PDE7B: variants seen among roughly 807,000 people sequenced by gnomAD.
The protein encoded by PDE7B is phosphodiesterase 7B, also known as 3',5'-cyclic-AMP phosphodiesterase 7B.
Under a neutral mutation model 56.2 loss-of-function variants are expected in PDE7B, and 29 were observed. That is an observed-to-expected ratio of 0.52 (90% confidence interval 0.38 to 0.70). The LOEUF is 0.70. Among genes scored for constraint, PDE7B ranks in the 30% least tolerant of loss-of-function variants. The pLI, the probability that PDE7B is intolerant of heterozygous loss-of-function variation, is 0.00. For missense variants in PDE7B, 490 were observed against 565.0 expected (o/e 0.87, Z 1.35); for synonymous variants, 197 against 196.9 (o/e 1.00, Z 0.00).
chr6:136,188,721 T>C (rs574165247), intron 12 of PDE7B, among the ~76,000 whole-genome samples: 2 of 152,334 alleles, frequency 1.3e-5, no homozygotes, highest in African/African-American at 4.8e-5. Flanking sequence ...TGTCAGATCA[T>C]ATGTCCTGAT....
chr6:136,002,092 G>C (rs954126487), intron 2 of PDE7B, among the ~76,000 whole-genome samples: 10 of 152,154 alleles, frequency 6.6e-5, no homozygotes, highest in African/African-American at 2.4e-4. Flanking sequence ...TTCATATCCA[G>C]TGAAACTAAG....
At chr6:135,923,782 C>G (rs923273363) in intron 1 of PDE7B, among the ~76,000 whole-genome samples, 1 of 152,072 alleles carries the variant, frequency 6.6e-6, no homozygotes, top group African/African-American at 2.4e-5. Context: ...AAGTGACAAA[C>G]TTGATAATAT....
intron 1 of PDE7B, among the ~76,000 whole-genome samples, chr6:135,886,786 G>A (rs149690003): frequency 0.023 from 3,572 of 152,158 alleles, 152 homozygotes; most frequent in African/African-American, 0.08. Flanking sequence ...ACTTAGGTTG[G>A]TTCCATATGT....
chr6:135,958,565 T>C (rs1287139882), intron 2 of PDE7B, among the ~76,000 whole-genome samples: 1 of 149,578 alleles, frequency 6.7e-6, no homozygotes, highest in African/African-American at 2.5e-5. Context: ...TTTTCTAATA[T>C]TCATAAATTA....
chr6:135,993,882 G>A (rs772151072), intron 2 of PDE7B, among the ~76,000 whole-genome samples: 2 of 152,142 alleles, frequency 1.3e-5, no homozygotes, highest in Non-Finnish European at 2.9e-5. Context: ...AGTGGATGTG[G>A]ACCAGCCCTT....
At chr6:135,875,280 C>G (rs532805210) in intron 1 of PDE7B, among the ~76,000 whole-genome samples, 6 of 151,308 alleles carry the variant, frequency 4.0e-5, no homozygotes, top group Non-Finnish European at 8.9e-5. Flanking sequence ...TACTTCTTTG[C>G]TTTTTTCTGC....
At chr6:136,186,029 G>A (rs1779139962) in intron 11 of PDE7B, among the ~76,000 whole-genome samples, 1 of 151,776 alleles carries the variant, frequency 6.6e-6, no homozygotes, top group Non-Finnish European at 1.5e-5. Context: ...TTAGGTTGGT[G>A]CAAATGTAAT....
At chr6:135,875,215 A>G (rs1461687738) in intron 1 of PDE7B, among the ~76,000 whole-genome samples, 1 of 152,016 alleles carries the variant, frequency 6.6e-6, no homozygotes, top group African/African-American at 2.4e-5. Flanking sequence ...ATATGTATTA[A>G]GAATTATTTA....
Position 135,852,005 on chromosome 6 carries a change from T to C in PDE7B, c.7T>C (p.Cys3Arg), listed in dbSNP as rs1774950059. ...GAACTGCCACTATGGTTAAATGTCT[T>C]GTTTAATGGTTGAGGTATGTACAAC... MSCLMVERCGEIL... is the reference protein window; with the variant it reads MSRLMVERCGEIL... Residue 3 changes from cysteine to arginine, a missense_variant, in exon 1 of 13, where the codon TGT becomes CGT. By Grantham distance (180) the Cys-to-Arg change is radical. Coordinates refer to ENST00000308191, the MANE Select transcript of PDE7B (RefSeq NM_018945.4). 3 of 1,609,732 alleles carry C rather than the reference T, an allele frequency of 1.9e-6. No homozygotes were observed. The highest frequency in any genetic ancestry group is 2.6e-6 in the Non-Finnish European group (3 of 1,175,966).
At chr6:135,974,932 C>T (rs1775156507) in intron 2 of PDE7B, among the ~76,000 whole-genome samples, 1 of 152,112 alleles carries the variant, frequency 6.6e-6, no homozygotes, top group South Asian at 2.1e-4. Context: ...GGAGCTTCTT[C>T]TGGAGATCAC....
At chr6:135,882,151 C>T (rs1233653598) in intron 1 of PDE7B, among the ~76,000 whole-genome samples, 2 of 152,222 alleles carry the variant, frequency 1.3e-5, no homozygotes, top group South Asian at 4.1e-4. Flanking sequence ...GGGAATTACT[C>T]AAAGCCTGTT....
intron 2 of PDE7B, among the ~76,000 whole-genome samples, chr6:136,064,937 T>C (rs1379538221): frequency 6.6e-6 from 1 of 152,252 alleles, no homozygotes; most frequent in Non-Finnish European, 1.5e-5. Context: ...CAATAAATAT[T>C]CATTGTGAAT....
At chr6:136,119,771 C>G (rs188782715) in intron 3 of PDE7B, among the ~76,000 whole-genome samples, 1 of 152,294 alleles carries the variant, frequency 6.6e-6, no homozygotes, top group African/African-American at 2.4e-5. Flanking sequence ...AAAGAGTTAA[C>G]CAGGGTTGGG....
intron 2 of PDE7B, among the ~76,000 whole-genome samples, chr6:136,085,008 C>A (rs750185496): frequency 6.6e-6 from 1 of 152,178 alleles, no homozygotes; most frequent in Non-Finnish European, 1.5e-5. Context: ...CGACTCCTAG[C>A]CGATGGCTGG....
chr6:135,887,255 G>A (rs1775726154), intron 1 of PDE7B, among the ~76,000 whole-genome samples: 1 of 151,946 alleles, frequency 6.6e-6, no homozygotes, highest in Admixed American at 6.6e-5. Flanking sequence ...TGTGGCTTCT[G>A]GATACTAGTC....
At position 135,935,002 on chromosome 6, in the gene PDE7B, T is replaced by C. The variant is rs1358268204; in HGVS notation, c.22-12462T>C. 1.2e-4 allele frequency among the ~76,000 whole-genome samples: 7 copies of C among 56,602 alleles called. No homozygotes were observed. In the East Asian group the frequency reaches 4.7e-3, roughly 38 times the overall value. 37.1% of individuals were successfully genotyped at this position (56,602 alleles called of 152,430 possible). ...ATATTTTATATAGAGATGAAGTATATATTTATATATAAATAAATATATAAT... is the reference window on the plus strand; with the variant it reads ...ATATTTTATATAGAGATGAAGTATACATTTATATATAAATAAATATATAAT... On this transcript the variant is annotated intron_variant, in intron 1 of 12. Coordinates refer to ENST00000308191, the MANE Select transcript of PDE7B (RefSeq NM_018945.4).
chr6:136,148,654 CAAGCCTT>C (rs1005799937), intron 4 of PDE7B, among the ~76,000 whole-genome samples: 3 of 152,084 alleles, frequency 2.0e-5, no homozygotes, highest in African/African-American at 7.2e-5. Flanking sequence ...GAGAGGAGAA[CAAGCCTT>C]AACTTCCCCA....
At chr6:136,138,849 A>C (rs1422987301) in intron 3 of PDE7B, among the ~76,000 whole-genome samples, 1 of 152,160 alleles carries the variant, frequency 6.6e-6, no homozygotes, top group Non-Finnish European at 1.5e-5. Flanking sequence ...ATTCATTCAA[A>C]AACTTTGAAC....
intron 2 of PDE7B, among the ~76,000 whole-genome samples, chr6:135,968,264 A>G (rs1775032872): frequency 6.6e-6 from 1 of 152,214 alleles, no homozygotes; most frequent in Non-Finnish European, 1.5e-5. Context: ...TTTCATGATG[A>G]AAATGTCAAA....
Sources: gnomAD v4.1 joint callset for allele counts (sites outside exome capture counted in the v4.1 genomes callset) on GRCh38, gnomAD v4.1.1 for gene constraint, MANE v1.5 for transcripts, NCBI Gene and HGNC (gene_info 2026-07-23, HGNC 2026-07-21) for gene names.